The following RERE variants were observed in gnomAD, a reference collection of about 807,000 sequenced individuals.
The protein encoded by RERE is arginine-glutamic acid dipeptide repeats protein.
In RERE, 40 loss-of-function variants were observed where a neutral mutation model predicts 146.1. That is an observed-to-expected ratio of 0.27 (90% confidence interval 0.21 to 0.36). RERE has a LOEUF of 0.36. Ranked by LOEUF, RERE falls within the 10% of genes least tolerant of loss-of-function variation. The pLI is 1.00. For missense variants in RERE, 1,933 were observed against 2,138.7 expected, an observed-to-expected ratio of 0.90 and a Z score of 1.90; for synonymous variants, 1,003 against 866.0, an observed-to-expected ratio of 1.16 and a Z score of -2.78.
intron 4 of RERE, among the ~76,000 whole-genome samples, chr1:8,591,880 G>C (rs1646499287): frequency 6.6e-6 from 1 of 152,122 alleles, no homozygotes; most frequent in African/African-American, 2.4e-5. Context: ...CTGAGGGAAA[G>C]AACTCAGATC....
chr1:8,685,234 A>G (rs1639058334), intron 1 of RERE, among the ~76,000 whole-genome samples: 1 of 152,216 alleles, frequency 6.6e-6, no homozygotes, highest in African/African-American at 2.4e-5. Context: ...CTGATTCAAC[A>G]GTTTACCTAC....
intron 7 of RERE, among the ~76,000 whole-genome samples, chr1:8,540,460 T>C (rs1357631345): frequency 6.6e-6 from 1 of 152,190 alleles, no homozygotes; most frequent in Non-Finnish European, 1.5e-5. Flanking sequence ...AAACATGTCT[T>C]GGGTGTCCAG....
intron 11 of RERE, among the ~76,000 whole-genome samples, chr1:8,433,556 T>TC (rs954708245): frequency 1.4e-4 from 21 of 148,424 alleles, no homozygotes; most frequent in African/African-American, 5.2e-4. Context: ...TTCATTTCTT[T>TC]TTTTTTTTTT....
intron 6 of RERE, among the ~76,000 whole-genome samples, chr1:8,553,523 A>C (rs372795075): frequency 5.4e-4 from 83 of 152,350 alleles, no homozygotes; most frequent in East Asian, 2.7e-3. Flanking sequence ...GTGACCAAAC[A>C]ACCACCTGTC....
intron 4 of RERE, among the ~76,000 whole-genome samples, chr1:8,601,770 CACACACAA>C (rs1396090856): frequency 6.9e-5 from 10 of 145,516 alleles, no homozygotes; most frequent in African/African-American, 2.6e-4. Context: ...CACACACACA[CACACACAA>C]ACACACACAC....
At chr1:8,379,653 G>A (rs572327603) in intron 12 of RERE, among the ~76,000 whole-genome samples, 52 of 152,294 alleles carry the variant, frequency 3.4e-4, no homozygotes, top group African/African-American at 1.2e-3. Flanking sequence ...AGGAAGTGTG[G>A]GACTGGCAGC....
intron 4 of RERE, among the ~76,000 whole-genome samples, chr1:8,591,309 T>C (rs1246819902): frequency 6.6e-6 from 1 of 151,880 alleles, no homozygotes; most frequent in East Asian, 1.9e-4. Flanking sequence ...ACAAAAAGAA[T>C]GGTCAAGAGA....
chr1:8,711,157 C>CAAAAAAAAAAAAAAAAAAA (rs57814312), intron 1 of RERE, among the ~76,000 whole-genome samples: 2 of 68,248 alleles, frequency 2.9e-5, no homozygotes, highest in Non-Finnish European at 2.5e-5. Context: ...ACTCTGTCTC[C>CAAAAAAAAAAAAAAAAAAA]AAAAAAAAAA....
intron 11 of RERE, among the ~76,000 whole-genome samples, chr1:8,458,687 G>T (rs1644485414): frequency 1.3e-5 from 2 of 152,070 alleles, no homozygotes; most frequent in Admixed American, 1.3e-4. Flanking sequence ...CTTAAAAAAA[G>T]TACCGGTTAA....
chr1:8,520,754 T>TAAAAAA (rs145670197), intron 7 of RERE, among the ~76,000 whole-genome samples: 13,789 of 92,470 alleles, frequency 0.15, 1,214 homozygotes, highest in East Asian at 0.48. Context: ...AAAAACTTTT[T>TAAAAAA]AAAAAAAAAA....
intron 4 of RERE, among the ~76,000 whole-genome samples, chr1:8,585,236 A>G (rs1390177015): frequency 3.3e-5 from 5 of 152,158 alleles, no homozygotes; most frequent in African/African-American, 4.8e-5. Flanking sequence ...GAAAGAAAAG[A>G]GATAGAGATG....
intron 12 of RERE, among the ~76,000 whole-genome samples, chr1:8,413,797 TGTGATCCCA>T (rs1463649978): frequency 6.6e-6 from 1 of 152,048 alleles, no homozygotes; most frequent in Non-Finnish European, 1.5e-5. Flanking sequence ...GGCTCATGCC[TGTGATCCCA>T]GCACTTTGGG....
intron 11 of RERE, among the ~76,000 whole-genome samples, chr1:8,432,961 A>G (rs1225216266): frequency 1.3e-5 from 2 of 152,228 alleles, no homozygotes; most frequent in African/African-American, 2.4e-5. Context: ...GGTACTTCTT[A>G]AGATACTTTA....
At position 8,359,791 on chromosome 1, in the gene RERE, C is replaced by T; in HGVS notation, c.3591G>A (p.Glu1197=). Residue 1197 remains glutamate, a synonymous_variant, in exon 19 of 23, where the codon GAG becomes GAA. Coordinates refer to ENST00000400908, the MANE Select transcript of RERE (RefSeq NM_001042681.2). ...EKEKERERER[E]REREAERAAK... ...CCGCCCGCTCTGCCTCGCGCTCCCG[C>T]TCTCGCTCCCGCTCCCGCTCCTTCT... 6.2e-7 allele frequency: 1 copy of T among 1,602,190 alleles called. No homozygotes were observed. The highest frequency in any genetic ancestry group is 8.5e-7 in the Non-Finnish European group (1 of 1,178,892).
At chr1:8,672,808 C>T (rs944667388) in intron 1 of RERE, among the ~76,000 whole-genome samples, 1 of 151,060 alleles carries the variant, frequency 6.6e-6, no homozygotes, top group Non-Finnish European at 1.5e-5. Context: ...ACAGCAACAA[C>T]AAAAAAAAAC....
intron 4 of RERE, among the ~76,000 whole-genome samples, chr1:8,565,211 A>C (rs1348377048): frequency 6.6e-6 from 1 of 152,122 alleles, no homozygotes; most frequent in Non-Finnish European, 1.5e-5. Flanking sequence ...TTGGTAAGAG[A>C]GTAAATTTCA....
intron 1 of RERE, among the ~76,000 whole-genome samples, chr1:8,727,217 A>G (rs1639989678): frequency 6.6e-6 from 1 of 152,080 alleles, no homozygotes; most frequent in African/African-American, 2.4e-5. Flanking sequence ...ATCTCGGCTC[A>G]CTACAACCTC....
intron 4 of RERE, among the ~76,000 whole-genome samples, chr1:8,579,565 C>T (rs1646338388): frequency 6.6e-6 from 1 of 152,224 alleles, no homozygotes; most frequent in South Asian, 2.1e-4. Flanking sequence ...GATAGTGGAA[C>T]CAGGCCTAGG....
At chr1:8,766,450 G>C (rs1398928321) in intron 1 of RERE, among the ~76,000 whole-genome samples, 3 of 148,164 alleles carry the variant, frequency 2.0e-5, no homozygotes, top group East Asian at 4.0e-4. Flanking sequence ...TGACGTGGGA[G>C]AATCACTTGA....
Sources: allele counts gnomAD v4.1 joint callset (sites outside exome capture counted in the v4.1 genomes callset), GRCh38; gene constraint gnomAD v4.1.1; transcripts MANE v1.5; gene names NCBI Gene and HGNC (gene_info 2026-07-23, HGNC 2026-07-21).